The following CFAP58 variants were observed in gnomAD, a reference collection of about 807,000 sequenced individuals.
CFAP58 encodes the protein cilia- and flagella-associated protein 58.
CFAP58 carries 88 observed loss-of-function variants against 119.5 expected under a neutral mutation model. The ratio of observed to expected loss-of-function variants is 0.74; its 90% CI spans 0.62 to 0.88. CFAP58 has a LOEUF of 0.88. CFAP58 is among the 40% of genes least tolerant of loss of function. The pLI is 0.00. For synonymous variants in CFAP58, 365 were observed against 366.3 expected (o/e 1.00, Z 0.04); for missense variants, 990 against 1,021.2 (o/e 0.97, Z 0.42).
Position 104,362,090 on chromosome 10 carries a change from T to A in CFAP58, c.359T>A (p.Ile120Asn). ...AAAGAGCAGAAGGCCAAGGAGACGA[T>A]TCTTGCTCTGAAAGAGGAAATAGTG... The part of the protein sequence containing the change: ...YDKEQKAKET[I>N]LALKEEIVNL... Residue 120 changes from isoleucine to asparagine, a missense_variant, in exon 3 of 18, where the codon ATT becomes AAT. Ile to Asn is a moderately radical substitution (Grantham distance 149). Transcript: ENST00000369704. 6.2e-7 allele frequency: 1 copy of A among 1,614,136 alleles called. No individual in the cohort carries two copies. The highest frequency in any genetic ancestry group is 2.2e-5 in the East Asian group (1 of 44,880).
intron 7 of CFAP58, among the ~76,000 whole-genome samples, chr10:104,374,356 T>A (rs1424083337): frequency 5.5e-5 from 8 of 144,984 alleles, no homozygotes; most frequent in Non-Finnish European, 1.0e-4. Context: ...ACGCCTGTAG[T>A]CCCAACTACT....
intron 15 of CFAP58, among the ~76,000 whole-genome samples, chr10:104,411,771 T>C (rs1392065151): frequency 6.6e-6 from 1 of 152,136 alleles, no homozygotes; most frequent in Non-Finnish European, 1.5e-5. Flanking sequence ...TTTTTTTTTT[T>C]TCCCCCACCC....
intron 9 of CFAP58, among the ~76,000 whole-genome samples, chr10:104,384,168 G>A (rs2011876984): frequency 6.6e-6 from 1 of 152,188 alleles, no homozygotes; most frequent in African/African-American, 2.4e-5. Flanking sequence ...ATATGAATCT[G>A]AGAAAGACAA....
the CFAP58 span, among the ~76,000 whole-genome samples, chr10:104,345,607 C>A: frequency 6.6e-6 from 1 of 152,142 alleles, no homozygotes; most frequent in Non-Finnish European, 1.5e-5. Flanking sequence ...ACTGGTCCTC[C>A]CAGTCTGGTG....
chr10:104,368,774 A>G (rs1039314713), intron 6 of CFAP58, among the ~76,000 whole-genome samples: 1 of 152,206 alleles, frequency 6.6e-6, no homozygotes, highest in Non-Finnish European at 1.5e-5. Flanking sequence ...ATTATTGATC[A>G]TATGGTTATG....
the CFAP58 span, among the ~76,000 whole-genome samples, chr10:104,348,619 T>C: frequency 6.6e-6 from 1 of 152,218 alleles, no homozygotes; most frequent in South Asian, 2.1e-4. Flanking sequence ...TTGTCAACTT[T>C]AGTGTCCACA....
Position 104,361,962 on chromosome 10 carries a change from G to A in CFAP58, c.292-61G>A, listed in dbSNP as rs761157878. 122 of 1,519,190 alleles carry A rather than the reference G, an allele frequency of 8.0e-5. 1 individual carries two copies. The Middle Eastern group carries it at 4.8e-3, about 60-fold the overall frequency. 94.1% of individuals were successfully genotyped at this position (1,519,190 alleles called of 1,614,324 possible). On this transcript the variant is annotated intron_variant, in intron 2 of 17. Transcript: ENST00000369704. Reference sequence around the variant, plus strand: ...GGTCATGGTATTATTCTGTTTGCTGGTTTATCTTGCATCTAGAATCCAGTT... The same window carrying A: ...GGTCATGGTATTATTCTGTTTGCTGATTTATCTTGCATCTAGAATCCAGTT...
chr10:104,352,707 A>G (rs2135235547), upstream of CFAP58, among the ~76,000 whole-genome samples: 1 of 152,330 alleles, frequency 6.6e-6, no homozygotes, highest in East Asian at 1.9e-4. Context: ...TGGCTGTATT[A>G]CTTGATGTAT....
intron 15 of CFAP58, among the ~76,000 whole-genome samples, chr10:104,440,656 G>C (rs532880268): frequency 6.6e-6 from 1 of 152,012 alleles, no homozygotes; most frequent in African/African-American, 2.4e-5. Flanking sequence ...ATTTCTCCAC[G>C]GTATTCAGAT....
At chr10:104,435,803 T>C (rs567023406) in intron 15 of CFAP58, among the ~76,000 whole-genome samples, 1 of 152,242 alleles carries the variant, frequency 6.6e-6, no homozygotes, top group Non-Finnish European at 1.5e-5. Flanking sequence ...ATGTCTTATA[T>C]AGATTCTTCT....
At chr10:104,434,215 A>G (rs1387793842) in intron 15 of CFAP58, among the ~76,000 whole-genome samples, 1 of 152,230 alleles carries the variant, frequency 6.6e-6, no homozygotes, top group Non-Finnish European at 1.5e-5. Context: ...GTTAGCTATT[A>G]TTATAATTAC....
At chr10:104,450,315 A>T in intron 17 of CFAP58, 111 bp downstream of exon 17, 1 of 1,115,136 alleles carries the variant, frequency 9.0e-7, no homozygotes, top group Non-Finnish European at 1.3e-6. Context: ...ACTAAATCAC[A>T]GGGTAAACAA....
the CFAP58 span, among the ~76,000 whole-genome samples, chr10:104,344,210 CT>C: frequency 2.0e-5 from 3 of 152,212 alleles, no homozygotes; most frequent in Non-Finnish European, 4.4e-5. Flanking sequence ...CATTGCTCTC[CT>C]TGTAGTTAAT....
the CFAP58 span, among the ~76,000 whole-genome samples, chr10:104,347,373 G>A: frequency 6.6e-6 from 1 of 152,132 alleles, no homozygotes; most frequent in East Asian, 1.9e-4. Flanking sequence ...GCAGTAGTCT[G>A]GAAAAGGAGA....
At chr10:104,342,064 T>C in the CFAP58 span, among the ~76,000 whole-genome samples, 2 of 152,248 alleles carry the variant, frequency 1.3e-5, no homozygotes, top group Non-Finnish European at 2.9e-5. Context: ...AATAAGGATT[T>C]GTTTTTCTCA....
In CFAP58 at chr10:104,392,327, A is replaced by C. The variant is rs1564889538; in HGVS notation, c.1460A>C (p.Gln487Pro). The change falls in exon 10 of 18, where the codon CAA (glutamine) becomes CCA (proline). Residue 487 changes from glutamine to proline, a missense_variant. Gln to Pro is a moderately conservative substitution (Grantham distance 76). Coordinates refer to ENST00000369704, the MANE Select transcript of CFAP58 (RefSeq NM_001008723.2). Reference protein sequence around the residue: ...IAESEIKLKQQQNLYEAVRSD... With the variant: ...IAESEIKLKQPQNLYEAVRSD... ...GAATCAGAGATTAAATTAAAACAGC[A>C]ACAGAACCTATATGAAGCTGTGAGA... 1 of 1,612,848 alleles carries C rather than the reference A, an allele frequency of 6.2e-7. No individual in the cohort carries two copies. The highest frequency in any genetic ancestry group is 8.5e-7 in the Non-Finnish European group (1 of 1,179,440).
At chr10:104,343,083 G>C in the CFAP58 span, among the ~76,000 whole-genome samples, 1 of 152,112 alleles carries the variant, frequency 6.6e-6, no homozygotes, top group Non-Finnish European at 1.5e-5. Context: ...GGGGAAAAAA[G>C]GGCACTTCCC....
At chr10:104,340,933 G>C in the CFAP58 span, among the ~76,000 whole-genome samples, 2 of 152,160 alleles carry the variant, frequency 1.3e-5, no homozygotes, top group African/African-American at 4.8e-5. Flanking sequence ...AGGGTCGCGG[G>C]AAGGAAACTT....
chr10:104,376,384 A>G (rs1435523103), intron 7 of CFAP58, among the ~76,000 whole-genome samples: 2 of 151,574 alleles, frequency 1.3e-5, no homozygotes, highest in Non-Finnish European at 2.9e-5. Flanking sequence ...CTGCACCTGT[A>G]GTCCCAGCTG....
Sources: gnomAD v4.1 joint callset for allele counts (sites outside exome capture counted in the v4.1 genomes callset) on GRCh38, gnomAD v4.1.1 for gene constraint, MANE v1.5 for transcripts, NCBI Gene and HGNC (gene_info 2026-07-23, HGNC 2026-07-21) for gene names.